Variants in SARDH observed in about 807,000 individuals in gnomAD.
SARDH encodes sarcosine dehydrogenase, also known as sarcosine dehydrogenase, mitochondrial.
In SARDH, 95 loss-of-function variants were observed where a neutral mutation model predicts 109.1. That is an observed-to-expected ratio of 0.87 (90% CI 0.74 to 1.03). The LOEUF (loss-of-function observed/expected upper bound fraction) is 1.03, where lower values mean the gene tolerates loss of function less well. SARDH is among the 50% of genes least tolerant of loss of function. The probability of loss-of-function intolerance (pLI) is 0.00; values close to 1 mark genes in which losing one functional copy is unlikely to be tolerated. For missense variants in SARDH, 1,267 were observed against 1,287.8 expected (o/e 0.98, Z 0.25); for synonymous variants, 572 against 534.8 (o/e 1.07, Z -0.96).
rs1490844653 is a variant in SARDH, at chr9:133,666,165, G to A, written c.2631+570C>T. On this transcript the variant is annotated intron_variant, in intron 20 of 20. Coordinates refer to ENST00000439388, the MANE Select transcript of SARDH (RefSeq NM_001134707.2). This position sits in a 1 kb window ranked among gnomAD's most constrained non-coding sequence, Gnocchi z 5.2. The stretch of plus-strand genomic sequence containing the variant: ...CAGGGGTCAGGGTCACCTGGAGGGG[G>A]TGGGGTTGCCTGGGGTCAGGGGTGT... 6.6e-6 allele frequency among the ~76,000 whole-genome samples: 1 copy of A among 152,150 alleles called. No homozygotes were observed. Among genetic ancestry groups the A allele is most frequent in the African/African-American group, 2.4e-5 (1 of 41,438 alleles).
At position 133,718,897 on chromosome 9, in the gene SARDH, C is replaced by G. The variant is rs774948341; in HGVS notation, c.1020+41G>C. The stretch of plus-strand genomic sequence containing the variant: ...AGGCCCTCTCCATGCTGAGATGCAG[C>G]CCCAACTCCCTCCCATTATCCCAGG... On this transcript the variant is annotated intron_variant, in intron 7 of 20. Transcript: ENST00000439388. The surrounding 1 kb of genome is among the most constrained non-coding windows in gnomAD (Gnocchi z 4.2). 1 of 1,465,556 alleles carries G rather than the reference C, an allele frequency of 6.8e-7. No individual in the cohort carries two copies. Among genetic ancestry groups the G allele is most frequent in the East Asian group, 2.3e-5 (1 of 44,116 alleles). The allele number at this position is 1,465,556 out of a possible 1,614,324, so 90.8% of individuals were successfully genotyped here.
At chr9:133,670,054 T>C (rs532904035) in intron 19 of SARDH, among the ~76,000 whole-genome samples, 1 of 152,186 alleles carries the variant, frequency 6.6e-6, no homozygotes, top group African/African-American at 2.4e-5. Flanking sequence ...TCCCAGCATG[T>C]TGGGATCCTC....
chr9:133,726,394 A>ATAATAATAATAATAATAATAATAATAG (rs59172198), intron 6 of SARDH, among the ~76,000 whole-genome samples: 15,912 of 131,066 alleles, frequency 0.12, 1,303 homozygotes, highest in South Asian at 0.18. Flanking sequence ...AATAATAATA[A>ATAATAATAATAATAATAATAATAATAG]TAGTAGTAGT....
chr9:133,729,776 C>A lies in SARDH; in HGVS notation c.904G>T (p.Glu302Ter), dbSNP rs773227673. Reference sequence around the variant, plus strand: ...GGCTGTCCACCTACCTGAATCCCCTCGATGCGCTCGGTGACGACATAGGCA... The same window carrying A: ...GGCTGTCCACCTACCTGAATCCCCTAGATGCGCTCGGTGACGACATAGGCA... The part of the protein sequence containing the change: ...HHAYVVTERI[E>*]GIQNMPNVRD... The change falls in exon 6 of 21, where the codon GAG becomes TAG. Residue 302 changes from glutamate to a stop codon, truncating the protein, a stop_gained. Coordinates refer to ENST00000439388, the MANE Select transcript of SARDH (RefSeq NM_001134707.2). LOFTEE classifies it high-confidence loss of function. 6.2e-7 allele frequency: 1 copy of A among 1,612,672 alleles called. No homozygotes were observed. Among genetic ancestry groups the A allele is most frequent in the Non-Finnish European group, 8.5e-7 (1 of 1,179,866 alleles).
intron 20 of SARDH, among the ~76,000 whole-genome samples, chr9:133,664,404 G>A (rs774412674): frequency 9.2e-5 from 14 of 152,224 alleles, no homozygotes; most frequent in Admixed American, 2.0e-4. Context: ...CGAATCCCTC[G>A]GGGCAGGGGC....
intron 1 of SARDH, among the ~76,000 whole-genome samples, chr9:133,735,220 G>A (rs927999747): frequency 6.6e-6 from 1 of 152,188 alleles, no homozygotes; most frequent in African/African-American, 2.4e-5. Context: ...CCCAAAGCTC[G>A]GTGGGACTAA....
chr9:133,663,578 C>A lies in SARDH; in HGVS notation c.*311G>T, dbSNP rs565726013. 23 of 360,572 alleles carry A rather than the reference C, an allele frequency of 6.4e-5. No homozygotes were observed. In the South Asian group the frequency reaches 1.5e-3, roughly 23 times the overall value. 22.3% of individuals were successfully genotyped at this position (360,572 alleles called of 1,614,324 possible). A position where few individuals can be genotyped will look rare whatever the true frequency, so the allele number is the denominator to read the frequency against. On this transcript the variant is annotated 3_prime_UTR_variant, in exon 21 of 21. Transcript: ENST00000439388. The stretch of plus-strand genomic sequence containing the variant: ...TTCGCTGTTTTCACGTGGGGCTTAT[C>A]AAGTATTTACTAAGCACCTTCTAGA...
intron 18 of SARDH, among the ~76,000 whole-genome samples, chr9:133,671,137 A>T (rs2797841): frequency 0.56 from 84,846 of 151,920 alleles, 24,233 homozygotes; most frequent in East Asian, 0.79. Flanking sequence ...CTTGCTCTGG[A>T]CAGGGTCTGG....
At chr9:133,699,487 C>T (rs1564266074) in intron 13 of SARDH, among the ~76,000 whole-genome samples, 2 of 152,066 alleles carry the variant, frequency 1.3e-5, no homozygotes, top group African/African-American at 4.8e-5. Context: ...GCCTGGGCAA[C>T]AAGAGCGAAA....
At chr9:133,725,883 G>T (rs1215550910) in intron 6 of SARDH, among the ~76,000 whole-genome samples, 1 of 152,140 alleles carries the variant, frequency 6.6e-6, no homozygotes, top group Non-Finnish European at 1.5e-5. Context: ...CTGGAGATGA[G>T]CACAGGGAGA....
intron 17 of SARDH, among the ~76,000 whole-genome samples, chr9:133,676,551 T>G (rs1352060385): frequency 6.6e-6 from 1 of 152,180 alleles, no homozygotes; most frequent in Non-Finnish European, 1.5e-5. Flanking sequence ...GACCGGCACT[T>G]TCTCGACATC....
intron 17 of SARDH, among the ~76,000 whole-genome samples, chr9:133,678,098 C>G (rs760398445): frequency 2.6e-5 from 4 of 152,236 alleles, no homozygotes; most frequent in Non-Finnish European, 5.9e-5. Flanking sequence ...GAGGACCCCC[C>G]ACCTTGCCTG....
intron 17 of SARDH, among the ~76,000 whole-genome samples, chr9:133,678,705 C>G (rs80056599): frequency 6.6e-6 from 1 of 152,212 alleles, no homozygotes; most frequent in Non-Finnish European, 1.5e-5. Context: ...CATCCCCTGC[C>G]GTCCAACACC....
rs1382478544 is a variant in SARDH, at chr9:133,712,415, C to T, written c.1328+204G>A. The stretch of plus-strand genomic sequence containing the variant: ...ACCCTGGGACAAGAGATCTTCAAAG[C>T]TGTAAAGGGGCGTGGACCTGCCCCC... On this transcript the variant is annotated intron_variant, in intron 10 of 20. Transcript: ENST00000439388. The surrounding 1 kb of genome is among the most constrained non-coding windows in gnomAD (Gnocchi z 4.1). Among the ~76,000 whole-genome samples, 1 of 152,062 alleles carries T rather than the reference C, an allele frequency of 6.6e-6. No individual in the cohort carries two copies. The highest frequency in any genetic ancestry group is 1.5e-5 in the Non-Finnish European group (1 of 68,006).
In SARDH at chr9:133,694,366, T is replaced by C. The variant is rs993898691; in HGVS notation, c.1813A>G (p.Thr605Ala). 2.5e-5 allele frequency: 38 copies of C among 1,550,418 alleles called. No homozygotes were observed. The highest frequency in any genetic ancestry group is 3.2e-5 in the Non-Finnish European group (37 of 1,146,732). Residue 605 changes from threonine (T) to alanine (A), a missense_variant, in exon 15 of 21, where the codon ACC becomes GCC. Transcript: ENST00000439388. ...SADVSRPPGS[T>A]VYTCMLNHRG... ...TGGTTGAGCATGCACGTGTACACGG[T>C]GGAGCCTGCGAGAGGGAGAAGGAAG...
In SARDH at chr9:133,671,554, G is replaced by A. The variant is rs1472141388; in HGVS notation, c.2307C>T (p.Asp769=). The change falls in exon 18 of 21, where the codon GAC becomes GAT. Residue 769 remains aspartate, a synonymous_variant. Coordinates refer to ENST00000439388, the MANE Select transcript of SARDH (RefSeq NM_001134707.2). ...GLINAGYRAI[D]SLSIEKGYRH... Reference sequence around the variant, plus strand: ...ACTCACCTTTCTCAATGCTCAGGGAGTCGATGGCGCGGTACCCTGCGTTGA... The same window carrying A: ...ACTCACCTTTCTCAATGCTCAGGGAATCGATGGCGCGGTACCCTGCGTTGA... The A allele has an allele frequency of 1.2e-6, 2 of 1,608,564 alleles. No homozygotes were observed. The highest frequency in any genetic ancestry group is 2.7e-5 in the African/African-American group (2 of 74,916).
intron 8 of SARDH, among the ~76,000 whole-genome samples, chr9:133,715,321 G>C (rs1832079216): frequency 6.6e-6 from 1 of 152,180 alleles, no homozygotes; most frequent in South Asian, 2.1e-4. Context: ...ATTAAAACGA[G>C]AGGAAGAGAA....
rs906442045 is a variant in SARDH at position 133,667,208 on chromosome 9, T to G, written c.2496-338A>C. 6.6e-5 allele frequency: 35 copies of G among 532,804 alleles called. No homozygotes were observed. The African/African-American group carries it at 6.7e-4, about 10-fold the overall frequency. 33.0% of individuals were successfully genotyped at this position (532,804 alleles called of 1,614,324 possible). On this transcript the variant is annotated intron_variant, in intron 19 of 20. Transcript: ENST00000439388. ...GTTCAACTCTGGTTTTTTTTTTTTT[T>G]TTTTTTTTGGTGCAGTGGCACAATC...
intron 17 of SARDH, among the ~76,000 whole-genome samples, chr9:133,678,083 G>T (rs537103906): frequency 6.6e-6 from 1 of 152,328 alleles, no homozygotes; most frequent in Admixed American, 6.5e-5. Flanking sequence ...GGTCCCCAAG[G>T]ATGAGAGGAC....
Sources: gnomAD v4.1 joint callset for allele counts (sites outside exome capture counted in the v4.1 genomes callset) on GRCh38, gnomAD v4.1.1 for gene constraint, Gnocchi (gnomAD v3.1) non-coding constraint, MANE v1.5 for transcripts, NCBI Gene and HGNC (gene_info 2026-07-23, HGNC 2026-07-21) for gene names.